PPP2R1A: variants seen among roughly 807,000 people sequenced by gnomAD.
PPP2R1A encodes the protein serine/threonine-protein phosphatase 2A 65 kDa regulatory subunit A alpha isoform.
In PPP2R1A, 15 loss-of-function variants were observed where a neutral mutation model predicts 67.1. That is an observed-to-expected ratio of 0.22 (90% confidence interval 0.15 to 0.34). The LOEUF (loss-of-function observed/expected upper bound fraction) is 0.34, where lower values mean the gene tolerates loss of function less well. Among genes scored for constraint, PPP2R1A ranks in the 10% least tolerant of loss-of-function variants. The pLI, the probability that PPP2R1A is intolerant of heterozygous loss-of-function variation, is 1.00. For synonymous variants in PPP2R1A, 337 were observed against 325.0 expected (o/e 1.04, Z -0.40); for missense variants, 369 against 775.0 (o/e 0.48, Z 6.22).
At chr19:52,190,653 C>T (rs1280918307) in intron 1 of PPP2R1A, among the ~76,000 whole-genome samples, 1 of 152,184 alleles carries the variant, frequency 6.6e-6, no homozygotes, top group East Asian at 1.9e-4. Context: ...CGAAGGCCTG[C>T]CATCCTAATT....
At chr19:52,214,356 G>A (rs1461498861) in intron 6 of PPP2R1A, among the ~76,000 whole-genome samples, 2 of 152,070 alleles carry the variant, frequency 1.3e-5, no homozygotes, top group Admixed American at 6.6e-5. Flanking sequence ...TGGCATTTGC[G>A]GGAAGGACTC....
At chr19:52,209,853 A>C (rs2122325075) in intron 3 of PPP2R1A, among the ~76,000 whole-genome samples, 1 of 152,292 alleles carries the variant, frequency 6.6e-6, no homozygotes, top group East Asian at 1.9e-4. Flanking sequence ...CACATACAAG[A>C]TTCTTGAGTT....
At position 52,217,402 on chromosome 19, in the gene PPP2R1A, G is replaced by A. The variant is rs1978642435; in HGVS notation, c.1128+739G>A. Among the ~76,000 whole-genome samples, 8 of 152,282 alleles carry A rather than the reference G, an allele frequency of 5.3e-5. No homozygotes were observed. In the South Asian group the frequency reaches 1.7e-3, roughly 32 times the overall value. Reference sequence around the variant, plus strand: ...ATTTTCCATAGAGACAAGATATTATGTTGCCCAGGTTGGTCTTGAACTCCT... The same window carrying A: ...ATTTTCCATAGAGACAAGATATTATATTGCCCAGGTTGGTCTTGAACTCCT... On this transcript the variant is annotated intron_variant, in intron 9 of 14. Coordinates refer to ENST00000322088, the MANE Select transcript of PPP2R1A (RefSeq NM_014225.6).
At chr19:52,206,180 G>C in intron 3 of PPP2R1A, 117 bp downstream of exon 3, 1 of 823,390 alleles carries the variant, frequency 1.2e-6, no homozygotes. Context: ...CAGAACAGCC[G>C]GGCCATGGAC....
intron 13 of PPP2R1A, among the ~76,000 whole-genome samples, chr19:52,222,739 G>A (rs1214503958): frequency 3.3e-5 from 5 of 152,174 alleles, no homozygotes; most frequent in South Asian, 2.1e-4. Context: ...TAGCCGGTGC[G>A]GTAGCACTCA....
intron 1 of PPP2R1A, among the ~76,000 whole-genome samples, chr19:52,200,806 T>TC (rs139124235): frequency 0.14 from 20,828 of 151,754 alleles, 1,485 homozygotes; most frequent in Non-Finnish European, 0.15. Flanking sequence ...ATGCGTGCCT[T>TC]CCCCTCTGTA....
intron 13 of PPP2R1A, 126 bp from the exon 14 acceptor site, chr19:52,225,591 C>T: frequency 2.6e-6 from 2 of 758,162 alleles, no homozygotes; most frequent in Non-Finnish European, 4.5e-6. Flanking sequence ...TCTTGAGACT[C>T]CTCCCACCTT....
chr19:52,225,652 G>C (rs1472489795), intron 13 of PPP2R1A, 65 bp from the exon 14 acceptor site: 32 of 1,464,506 alleles, frequency 2.2e-5, no homozygotes, highest in Non-Finnish European at 3.0e-5. Flanking sequence ...AGAGCCCTGT[G>C]CCCACCTGTT....
At chr19:52,194,334 G>A (rs2089479954) in intron 1 of PPP2R1A, among the ~76,000 whole-genome samples, 1 of 152,148 alleles carries the variant, frequency 6.6e-6, no homozygotes, top group African/African-American at 2.4e-5. Flanking sequence ...AGGCCAGTGT[G>A]ACTGAGGCAG....
chr19:52,190,356 G>C (rs1025897531), intron 1 of PPP2R1A, 182 bp downstream of exon 1: 1 of 704,382 alleles, frequency 1.4e-6, no homozygotes, highest in African/African-American at 1.8e-5. Context: ...ATTGGGTGTC[G>C]GCCCAGTGGA....
intron 2 of PPP2R1A, among the ~76,000 whole-genome samples, chr19:52,203,805 A>G (rs1403729827): frequency 1.3e-5 from 2 of 152,128 alleles, no homozygotes; most frequent in African/African-American, 4.8e-5. Flanking sequence ...CTTCTGATTG[A>G]TCAGCTTCAA....
intron 6 of PPP2R1A, among the ~76,000 whole-genome samples, chr19:52,214,741 T>C (rs943407221): frequency 2.0e-5 from 3 of 151,978 alleles, no homozygotes; most frequent in African/African-American, 7.2e-5. Flanking sequence ...TTTTTTTTTT[T>C]TTTAAGACAG....
intron 9 of PPP2R1A, among the ~76,000 whole-genome samples, chr19:52,217,210 A>G (rs1026156826): frequency 1.3e-5 from 2 of 151,928 alleles, no homozygotes; most frequent in Admixed American, 6.6e-5. Flanking sequence ...TTATTTATTT[A>G]TGTTTTGAGA....
chr19:52,226,506 T>C lies in PPP2R1A; in HGVS notation c.*525T>C. Reference sequence around the variant, plus strand: ...CTGCGCTTTTCTCTGGAGAAGATCTTGTTACAGGACCCATTATACCCCTAT... The same window carrying C: ...CTGCGCTTTTCTCTGGAGAAGATCTCGTTACAGGACCCATTATACCCCTAT... On this transcript the variant is annotated 3_prime_UTR_variant, in exon 15 of 15. Coordinates refer to ENST00000322088, the MANE Select transcript of PPP2R1A (RefSeq NM_014225.6). The C allele has an allele frequency of 4.3e-6, 1 of 232,162 alleles. No homozygotes were observed. Among genetic ancestry groups the C allele is most frequent in the Non-Finnish European group, 8.5e-6 (1 of 117,640 alleles). 14.4% of individuals were successfully genotyped at this position (232,162 alleles called of 1,614,324 possible).
chr19:52,225,668 A>C (rs1016429271), intron 13 of PPP2R1A, 49 bp from the exon 14 acceptor site: 10 of 1,564,682 alleles, frequency 6.4e-6, no homozygotes, highest in Non-Finnish European at 8.8e-6. Context: ...CTGTTGCCCC[A>C]GTCCATCCTG....
rs1978582006 is a variant in PPP2R1A at position 52,216,490 on chromosome 19, G to T, written c.994-39G>T. On this transcript the variant is annotated intron_variant, in intron 8 of 14. Transcript: ENST00000322088. The surrounding 1 kb of genome is among the most constrained non-coding windows in gnomAD (Gnocchi z 4.3). ...TGCTTAGCCACTTGCTGCTGCAGGG[G>T]TTGCACTGACCCCTGTGCCTGCCTC... 1 of 1,613,394 alleles carries T rather than the reference G, an allele frequency of 6.2e-7. No individual in the cohort carries two copies. The highest frequency in any genetic ancestry group is 1.3e-5 in the African/African-American group (1 of 74,894).
rs113762853 is a variant in PPP2R1A, at chr19:52,211,901, G to C, written c.503+409G>C. Among the ~76,000 whole-genome samples, 1,019 of 152,262 alleles carry C rather than the reference G, an allele frequency of 6.7e-3. 13 individuals are homozygous for C. The highest frequency in any genetic ancestry group is 0.023 in the African/African-American group (969 of 41,544). ...CACCTCAGTTTTCAGCCTCCTGCTC[G>C]TCTACTTTGCAAACGATTGACCGTC... is the stretch of plus-strand genomic sequence containing the variant. On this transcript the variant is annotated intron_variant, in intron 4 of 14. Transcript: ENST00000322088. The surrounding 1 kb of genome is among the most constrained non-coding windows in gnomAD (Gnocchi z 5.3).
At position 52,194,249 on chromosome 19, in the gene PPP2R1A, A is replaced by T. The variant is rs571271883; in HGVS notation, c.78+4075A>T. ...TGAAATGAACAGGTCGTGGAAGAGC[A>T]GTCTGGGCAGAGGGAATAGTTGGTA... On this transcript the variant is annotated intron_variant, in intron 1 of 14. Coordinates refer to ENST00000322088, the MANE Select transcript of PPP2R1A (RefSeq NM_014225.6). Among the ~76,000 whole-genome samples, 3 of 152,274 alleles carry T rather than the reference A, an allele frequency of 2.0e-5. No homozygotes were observed. The South Asian group carries it at 6.2e-4, about 32-fold the overall frequency.
chr19:52,209,250 G>A (rs2089639662), intron 3 of PPP2R1A, among the ~76,000 whole-genome samples: 1 of 143,344 alleles, frequency 7.0e-6, no homozygotes, highest in African/African-American at 2.5e-5. Context: ...GGCAAGTGTT[G>A]ATTGAGTACC....
Sources: gnomAD v4.1 joint callset for allele counts (sites outside exome capture counted in the v4.1 genomes callset) on GRCh38, gnomAD v4.1.1 for gene constraint, Gnocchi (gnomAD v3.1) non-coding constraint, MANE v1.5 for transcripts, NCBI Gene and HGNC (gene_info 2026-07-23, HGNC 2026-07-21) for gene names.